PRKG1: variants seen among roughly 807,000 people sequenced by gnomAD.
The protein encoded by PRKG1 is cGMP-dependent protein kinase 1.
PRKG1 carries 35 observed loss-of-function variants against 88.1 expected under a neutral mutation model. The observed-to-expected ratio is 0.40, with a 90% CI of 0.30 to 0.53. The LOEUF is 0.53. Ranked by LOEUF, PRKG1 falls within the 20% of genes least tolerant of loss-of-function variation. The pLI, the probability that PRKG1 is intolerant of heterozygous loss-of-function variation, is 0.59. For synonymous variants in PRKG1, 303 were observed against 292.5 expected, an observed-to-expected ratio of 1.04 and a Z score of -0.37; for missense variants, 540 against 839.8, an observed-to-expected ratio of 0.64 and a Z score of 4.41.
chr10:51,035,721 A>C (rs1282739885), intron 1 of PRKG1, among the ~76,000 whole-genome samples: 2 of 152,166 alleles, frequency 1.3e-5, no homozygotes, highest in East Asian at 3.8e-4. Context: ...TAAATTATAA[A>C]CTTATTACAT....
At chr10:51,724,277 A>G (rs1842080386) in intron 3 of PRKG1, among the ~76,000 whole-genome samples, 1 of 152,176 alleles carries the variant, frequency 6.6e-6, no homozygotes, top group South Asian at 2.1e-4. Flanking sequence ...TTCTGCACTA[A>G]ATATATTTGC....
chr10:51,919,301 G>A (rs935601841), intron 5 of PRKG1, among the ~76,000 whole-genome samples: 1 of 152,110 alleles, frequency 6.6e-6, no homozygotes, highest in Non-Finnish European at 1.5e-5. Flanking sequence ...GGAACAAACC[G>A]TGACCAACCA....
intron 2 of PRKG1, among the ~76,000 whole-genome samples, chr10:51,335,015 T>TC (rs1841838877): frequency 1.4e-5 from 2 of 139,974 alleles, no homozygotes; most frequent in South Asian, 4.8e-4. Flanking sequence ...TTTTTTTTTT[T>TC]TTTTTTTTGA....
rs116626093 is a variant in PRKG1, at chr10:51,656,722, T to C, written c.593-147863T>C. 9.1e-3 allele frequency among the ~76,000 whole-genome samples: 1,381 copies of C among 152,242 alleles called. 24 individuals are homozygous for C. The highest frequency in any genetic ancestry group is 0.031 in the African/African-American group (1,298 of 41,552). On this transcript the variant is annotated intron_variant, in intron 3 of 17. Coordinates refer to ENST00000373980, the MANE Select transcript of PRKG1 (RefSeq NM_006258.4). Reference sequence around the variant, plus strand: ...GTCATCCCCTGCGCAAAAACCTTAATGGCCCTCTTATCTCTTCAGAGTAGT... The same window carrying C: ...GTCATCCCCTGCGCAAAAACCTTAACGGCCCTCTTATCTCTTCAGAGTAGT...
chr10:51,941,255 G>A (rs1431432056), intron 5 of PRKG1, among the ~76,000 whole-genome samples: 1 of 151,798 alleles, frequency 6.6e-6, no homozygotes, highest in African/African-American at 2.4e-5. Flanking sequence ...AAGATAATAA[G>A]GAATAGTATA....
At chr10:51,499,746 G>A (rs940457381) in intron 3 of PRKG1, among the ~76,000 whole-genome samples, 25 of 152,244 alleles carry the variant, frequency 1.6e-4, no homozygotes, top group East Asian at 5.8e-4. Flanking sequence ...CGAGATCAGC[G>A]TACGCAACAT....
chr10:51,765,815 ATTTTTTTTTTTTT>A (rs398046339), intron 3 of PRKG1, among the ~76,000 whole-genome samples: 333 of 134,522 alleles, frequency 2.5e-3, no homozygotes, highest in African/African-American at 6.4e-3. Flanking sequence ...GCCTTACATG[ATTTTTTTTTTTTT>A]TTTTTTTTTT....
chr10:51,917,537 G>A (rs1348147850), intron 5 of PRKG1, among the ~76,000 whole-genome samples: 1 of 152,012 alleles, frequency 6.6e-6, no homozygotes, highest in East Asian at 1.9e-4. Flanking sequence ...GAAACTTTTG[G>A]GCTTATAAGA....
At chr10:52,038,651 C>T (rs1845678998) in intron 5 of PRKG1, among the ~76,000 whole-genome samples, 1 of 152,004 alleles carries the variant, frequency 6.6e-6, no homozygotes, top group African/African-American at 2.4e-5. Context: ...GCCCCTTTCC[C>T]AGAAAAGTGG....
intron 3 of PRKG1, among the ~76,000 whole-genome samples, chr10:51,803,857 T>C (rs931471925): frequency 6.6e-6 from 1 of 152,194 alleles, no homozygotes; most frequent in Admixed American, 6.6e-5. Context: ...TGTGCTCATT[T>C]TAAAAGTGTT....
At chr10:52,172,639 TTTC>T (rs1465855533) in intron 9 of PRKG1, among the ~76,000 whole-genome samples, 2 of 152,242 alleles carry the variant, frequency 1.3e-5, no homozygotes, top group Non-Finnish European at 2.9e-5. Context: ...TACAATTCCT[TTTC>T]TTCTTAAGTG....
chr10:51,397,154 A>C (rs1837601009), intron 2 of PRKG1, among the ~76,000 whole-genome samples: 1 of 140,474 alleles, frequency 7.1e-6, no homozygotes, highest in Non-Finnish European at 1.5e-5. Flanking sequence ...GGTGCCCTCT[A>C]AAATTTTGTG....
chr10:51,140,815 G>A (rs1311993266), intron 1 of PRKG1, among the ~76,000 whole-genome samples: 5 of 152,022 alleles, frequency 3.3e-5, no homozygotes, highest in Admixed American at 6.6e-5. Context: ...AGCAATTCTT[G>A]CACCTCTAAT....
intron 9 of PRKG1, among the ~76,000 whole-genome samples, chr10:52,205,716 C>A (rs2132788376): frequency 6.6e-6 from 1 of 152,250 alleles, no homozygotes; most frequent in Non-Finnish European, 1.5e-5. Flanking sequence ...AATTTCTTTT[C>A]TTTAAGAATG....
At chr10:51,185,530 ATAAACT>A (rs1273609479) in intron 2 of PRKG1, among the ~76,000 whole-genome samples, 1 of 152,038 alleles carries the variant, frequency 6.6e-6, no homozygotes, top group Non-Finnish European at 1.5e-5. Context: ...TACCAAAAAG[ATAAACT>A]TAAAATATTT....
At chr10:51,806,055 TTGTGTGTATG>T in intron 4 of PRKG1, among the ~76,000 whole-genome samples, 1 of 152,116 alleles carries the variant, frequency 6.6e-6, no homozygotes. Flanking sequence ...TATACGTATG[TTGTGTGTATG>T]TGTGTGTATG....
intron 1 of PRKG1, among the ~76,000 whole-genome samples, chr10:51,133,565 G>A (rs1001274874): frequency 1.3e-5 from 2 of 152,194 alleles, no homozygotes; most frequent in Non-Finnish European, 2.9e-5. Flanking sequence ...AGGTCTTTCT[G>A]CAGCCACTCT....
At chr10:51,442,164 T>TTAAA (rs1216441861) in intron 2 of PRKG1, among the ~76,000 whole-genome samples, 2 of 152,132 alleles carry the variant, frequency 1.3e-5, no homozygotes, top group African/African-American at 4.8e-5. Context: ...AATCAATCAC[T>TTAAA]TAAAGTTGGA....
At position 51,242,153 on chromosome 10, in the gene PRKG1, G is replaced by A. The variant is rs141108214; in HGVS notation, c.478+88823G>A. Among the ~76,000 whole-genome samples the A allele has an allele frequency of 7.2e-5, 11 of 152,204 alleles. No individual in the cohort carries two copies. In the East Asian group the frequency reaches 2.1e-3, roughly 29 times the overall value. On this transcript the variant is annotated intron_variant, in intron 2 of 17. Transcript: ENST00000373980. Reference sequence around the variant, plus strand: ...GACTGGGTGAGAAATTCTCTAATGAGCACATACAGGATAAAAGACAGGAGG... The same window carrying A: ...GACTGGGTGAGAAATTCTCTAATGAACACATACAGGATAAAAGACAGGAGG...
Sources: allele counts gnomAD v4.1 joint callset (sites outside exome capture counted in the v4.1 genomes callset), GRCh38; gene constraint gnomAD v4.1.1; transcripts MANE v1.5; gene names NCBI Gene and HGNC (gene_info 2026-07-23, HGNC 2026-07-21).